The following CSMD1 variants were observed in gnomAD, a reference collection of about 807,000 sequenced individuals.
The protein encoded by CSMD1 is CUB and Sushi multiple domains 1, also known as CUB and sushi domain-containing protein 1.
CSMD1 carries 213 observed loss-of-function variants against 417.5 expected under a neutral mutation model. That is an observed-to-expected ratio of 0.51 (90% CI 0.46 to 0.57). The LOEUF is 0.57. Ranked by LOEUF, CSMD1 falls within the 20% of genes least tolerant of loss-of-function variation. The pLI, the probability that CSMD1 is intolerant of heterozygous loss-of-function variation, is 0.00. For synonymous variants in CSMD1, 2,862 were observed against 1,736.8 expected (o/e 1.65, Z -16.11); for missense variants, 6,923 against 4,529.7 (o/e 1.53, Z -15.17).
intron 10 of CSMD1, among the ~76,000 whole-genome samples, chr8:3,522,045 G>A (rs536057378): frequency 6.6e-6 from 1 of 152,282 alleles, no homozygotes; most frequent in East Asian, 1.9e-4. Context: ...TATTGCCTGT[G>A]TGAATAATTT....
chr8:3,134,097 G>T (rs557881741), intron 41 of CSMD1, among the ~76,000 whole-genome samples: 1 of 152,252 alleles, frequency 6.6e-6, no homozygotes, highest in African/African-American at 2.4e-5. Flanking sequence ...ACTTGAACCA[G>T]GGAGTTAGAG....
chr8:4,546,687 C>A (rs575811674), intron 2 of CSMD1, among the ~76,000 whole-genome samples: 1 of 152,200 alleles, frequency 6.6e-6, no homozygotes, highest in African/African-American at 2.4e-5. Context: ...CTGTAGATAG[C>A]AGATCATGAG....
At chr8:4,365,050 G>T (rs1274171892) in intron 3 of CSMD1, among the ~76,000 whole-genome samples, 1 of 152,028 alleles carries the variant, frequency 6.6e-6, no homozygotes, top group Non-Finnish European at 1.5e-5. Context: ...TCAATTGTGA[G>T]GACATTTTCC....
intron 9 of CSMD1, among the ~76,000 whole-genome samples, chr8:3,576,670 T>C (rs1187444176): frequency 6.6e-6 from 1 of 152,210 alleles, no homozygotes. Context: ...GGTGTGTCAT[T>C]GGTCTAAAGG....
At chr8:4,295,239 CATATAATCTTAAGATTTTCT>C (rs1188378481) in intron 3 of CSMD1, among the ~76,000 whole-genome samples, 4 of 115,322 alleles carry the variant, frequency 3.5e-5, no homozygotes, top group African/African-American at 5.9e-5. Flanking sequence ...ATTATATGCA[CATATAATCTTAAGATTTTCT>C]ATATAATCTT....
intron 3 of CSMD1, among the ~76,000 whole-genome samples, chr8:4,303,305 C>T (rs565207005): frequency 1.3e-5 from 2 of 152,048 alleles, no homozygotes; most frequent in Non-Finnish European, 2.9e-5. Context: ...TTAGTTATAA[C>T]CTGGCACTGA....
intron 5 of CSMD1, among the ~76,000 whole-genome samples, chr8:3,898,340 G>A (rs1393329599): frequency 6.8e-6 from 1 of 147,240 alleles, no homozygotes; most frequent in Non-Finnish European, 1.5e-5. Context: ...TGAGCTATGT[G>A]TGTAGTAAAC....
Position 2,935,773 on chromosome 8 carries a change from G to C in CSMD1, c.*2812C>G, listed in dbSNP as rs1321915588. 3.3e-5 allele frequency: 5 copies of C among 152,168 alleles called. No individual in the cohort carries two copies. The East Asian group carries it at 9.6e-4, about 29-fold the overall frequency. 9.4% of individuals were successfully genotyped at this position (152,168 alleles called of 1,614,324 possible). On this transcript the variant is annotated 3_prime_UTR_variant, in exon 70 of 70. Transcript: ENST00000635120. ...ATGGGTTTTCCTGATCATAATGCCA[G>C]CGTTCTTTTTTTTACCCCCTTTTTA...
intron 2 of CSMD1, among the ~76,000 whole-genome samples, chr8:4,523,391 CCA>C (rs1563253988): frequency 6.6e-6 from 1 of 151,940 alleles, no homozygotes; most frequent in African/African-American, 2.4e-5. Flanking sequence ...TTTTTTCATT[CCA>C]GATGAATTTT....
At chr8:4,290,578 C>G (rs927140419) in intron 3 of CSMD1, among the ~76,000 whole-genome samples, 4 of 152,164 alleles carry the variant, frequency 2.6e-5, no homozygotes, top group African/African-American at 9.7e-5. Flanking sequence ...TTTTCTGTCT[C>G]CCATGCTTCA....
intron 3 of CSMD1, among the ~76,000 whole-genome samples, chr8:4,279,461 C>T (rs62478562): frequency 0.082 from 12,436 of 152,080 alleles, 660 homozygotes; most frequent in Non-Finnish European, 0.12. Flanking sequence ...TCCCAGTAGC[C>T]CATTTAATAG....
intron 16 of CSMD1, among the ~76,000 whole-genome samples, chr8:3,397,845 A>C (rs1811796066): frequency 6.6e-6 from 1 of 152,186 alleles, no homozygotes; most frequent in Admixed American, 6.5e-5. Context: ...ACCGCCTGGC[A>C]ATACCATCAG....
intron 5 of CSMD1, among the ~76,000 whole-genome samples, chr8:3,915,336 G>T: frequency 1.4e-5 from 2 of 147,166 alleles, no homozygotes; most frequent in African/African-American, 2.5e-5. Context: ...AACCCAGGAA[G>T]CGGAAGTTGC....
intron 4 of CSMD1, among the ~76,000 whole-genome samples, chr8:4,023,689 C>A (rs750319793): frequency 2.7e-5 from 4 of 150,738 alleles, no homozygotes; most frequent in Admixed American, 6.6e-5. Context: ...AGGGTTCACG[C>A]CATTCTCCTG....
At chr8:3,142,415 G>GT in intron 41 of CSMD1, 50 bp downstream of exon 41, 2 of 1,390,416 alleles carry the variant, frequency 1.4e-6, no homozygotes, top group Non-Finnish European at 1.0e-6. Context: ...CAATTTACAT[G>GT]TAAGAAGTGT....
chr8:4,486,641 T>C (rs973103949), intron 2 of CSMD1, among the ~76,000 whole-genome samples: 1 of 152,022 alleles, frequency 6.6e-6, no homozygotes, highest in Non-Finnish European at 1.5e-5. Flanking sequence ...CTAAACACTG[T>C]GACATACATA....
chr8:4,016,352 C>G (rs1388361793), intron 4 of CSMD1, among the ~76,000 whole-genome samples: 2 of 152,128 alleles, frequency 1.3e-5, no homozygotes, highest in African/African-American at 4.8e-5. Flanking sequence ...AGACATTTTG[C>G]AATCTCCTCT....
At chr8:3,202,794 A>T (rs1415795437) in intron 31 of CSMD1, among the ~76,000 whole-genome samples, 2 of 152,202 alleles carry the variant, frequency 1.3e-5, no homozygotes, top group Non-Finnish European at 2.9e-5. Context: ...ACATATATTT[A>T]TGTAACCAAC....
Position 4,977,896 on chromosome 8 carries a change from T to G in CSMD1, c.85+16436A>C, listed in dbSNP as rs538445309. ...CATCATCAATACTTAATCAACTCAT[T>G]CATTCACACATTCGAAGGTGTCCAA... On this transcript the variant is annotated intron_variant, in intron 1 of 69. Transcript: ENST00000635120. 5.9e-5 allele frequency among the ~76,000 whole-genome samples: 9 copies of G among 152,304 alleles called. No individual in the cohort carries two copies. In the South Asian group the frequency reaches 1.9e-3, roughly 32 times the overall value.
Sources: allele counts gnomAD v4.1 joint callset (sites outside exome capture counted in the v4.1 genomes callset), GRCh38; gene constraint gnomAD v4.1.1; transcripts MANE v1.5; gene names NCBI Gene and HGNC (gene_info 2026-07-23, HGNC 2026-07-21).